Variants in COL4A2 observed in about 807,000 individuals in gnomAD.
COL4A2 encodes collagen type IV alpha 2 chain.
In COL4A2, 99 loss-of-function variants were observed where a neutral mutation model predicts 200.2. The ratio of observed to expected loss-of-function variants is 0.49; its 90% CI spans 0.42 to 0.58. The LOEUF is 0.58. Ranked by LOEUF, COL4A2 falls within the 20% of genes least tolerant of loss-of-function variation. The probability of loss-of-function intolerance (pLI) is 0.00; values close to 1 mark genes in which losing one functional copy is unlikely to be tolerated. For missense variants in COL4A2, 1,950 were observed against 2,314.1 expected (o/e 0.84, Z 3.23); for synonymous variants, 897 against 900.6 (o/e 1.00, Z 0.07).
rs529370990 is a variant in COL4A2, at chr13:110,459,241, C to T, written c.1596+307C>T. 1.4e-5 allele frequency: 4 copies of T among 287,452 alleles called. No homozygotes were observed. The South Asian group carries it at 2.9e-4, about 21-fold the overall frequency. The allele number at this position is 287,452 out of a possible 1,614,324, so 17.8% of individuals were successfully genotyped here. A position where few individuals can be genotyped will look rare whatever the true frequency, so the allele number is the denominator to read the frequency against. Reference sequence around the variant, plus strand: ...TGTATCCCCAAGAGACTTGAAAGCACGTGTCCACACAAACACACATACACC... The same window carrying T: ...TGTATCCCCAAGAGACTTGAAAGCATGTGTCCACACAAACACACATACACC... On this transcript the variant is annotated intron_variant, in intron 22 of 47. Coordinates refer to ENST00000360467, the MANE Select transcript of COL4A2 (RefSeq NM_001846.4).
chr13:110,410,250 CA>C (rs1879779219), intron 4 of COL4A2, among the ~76,000 whole-genome samples: 1 of 152,242 alleles, frequency 6.6e-6, no homozygotes, highest in African/African-American at 2.4e-5. Context: ...TGTCCCCTCG[CA>C]GGGCTTGCAG....
chr13:110,438,561 G>C (rs780330447), intron 14 of COL4A2, 57 bp from the exon 15 acceptor site: 1 of 1,608,032 alleles, frequency 6.2e-7, no homozygotes, highest in Admixed American at 1.7e-5. Context: ...CGTGGGCCCT[G>C]TTGGCTGGAG....
intron 13 of COL4A2, among the ~76,000 whole-genome samples, chr13:110,437,022 G>A (rs962970341): frequency 4.6e-5 from 7 of 152,208 alleles, no homozygotes; most frequent in Non-Finnish European, 7.3e-5. Context: ...GAAACACTCA[G>A]TACCATGTCG....
Position 110,468,191 on chromosome 13 carries a change from C to T in COL4A2, c.2096-1026C>T, listed in dbSNP as rs183705418. On this transcript the variant is annotated intron_variant, in intron 27 of 47. Coordinates refer to ENST00000360467, the MANE Select transcript of COL4A2 (RefSeq NM_001846.4). ...GGGGGTCTTCGGAGTGCACCGTGAT[C>T]ACAGGGCCTGGGGAGCACAGGACAA... 2.1e-4 allele frequency: 101 copies of T among 471,358 alleles called. 1 individual carries two copies. The Admixed American group carries it at 2.3e-3, about 11-fold the overall frequency. The allele number at this position is 471,358 out of a possible 1,614,324, so 29.2% of individuals were successfully genotyped here. A position where few individuals can be genotyped will look rare whatever the true frequency, so the allele number is the denominator to read the frequency against.
intron 3 of COL4A2, among the ~76,000 whole-genome samples, chr13:110,311,463 C>T (rs1235028846): frequency 2.6e-5 from 4 of 152,278 alleles, no homozygotes; most frequent in African/African-American, 4.8e-5. Context: ...GAGGGGCTGC[C>T]GCCTGGGGCG....
chr13:110,506,868 C>T (rs917040582), intron 46 of COL4A2, among the ~76,000 whole-genome samples: 1 of 152,158 alleles, frequency 6.6e-6, no homozygotes, highest in African/African-American at 2.4e-5. Context: ...CCATGTGACC[C>T]GTCTGACCCC....
In COL4A2 at chr13:110,432,341, C is replaced by A; in HGVS notation, c.665C>A (p.Pro222His). 1 of 1,610,772 alleles carries A rather than the reference C, an allele frequency of 6.2e-7. No homozygotes were observed. The highest frequency in any genetic ancestry group is 8.5e-7 in the Non-Finnish European group (1 of 1,178,744). The change falls in exon 11 of 48, where the codon CCT becomes CAT. Residue 222 changes from proline to histidine, a missense_variant. Transcript: ENST00000360467. ...APGRPGPPGP[P>H]GPKGQQGNRG... Reference sequence around the variant, plus strand: ...TTTGTACAGGGACCACCTGGACCCCCTGGACCAAAAGGACAGCAAGTAAGT... The same window carrying A: ...TTTGTACAGGGACCACCTGGACCCCATGGACCAAAAGGACAGCAAGTAAGT...
At chr13:110,326,209 G>A (rs1885407484) in intron 3 of COL4A2, among the ~76,000 whole-genome samples, 1 of 152,194 alleles carries the variant, frequency 6.6e-6, no homozygotes, top group South Asian at 2.1e-4. Flanking sequence ...CCTGGGAGGA[G>A]ATCTGAATTT....
At chr13:110,402,232 C>G (rs371134139) in intron 4 of COL4A2, among the ~76,000 whole-genome samples, 2 of 152,180 alleles carry the variant, frequency 1.3e-5, no homozygotes, top group Non-Finnish European at 2.9e-5. Context: ...GATCCTGAGG[C>G]ACATTTCTCT....
At position 110,508,706 on chromosome 13, in the gene COL4A2, A is replaced by C. The variant is rs1283821641; in HGVS notation, c.4881+485A>C. 6.6e-6 allele frequency among the ~76,000 whole-genome samples: 1 copy of C among 152,248 alleles called. No homozygotes were observed. Among genetic ancestry groups the C allele is most frequent in the African/African-American group, 2.4e-5 (1 of 41,450 alleles). ...ATTCTGGAATACCTTTGGGTATAAAATAGAGAGCCTGTGGATACTTTGAAA... is the reference window on the plus strand; with the variant it reads ...ATTCTGGAATACCTTTGGGTATAAACTAGAGAGCCTGTGGATACTTTGAAA... On this transcript the variant is annotated intron_variant, in intron 47 of 47. Coordinates refer to ENST00000360467, the MANE Select transcript of COL4A2 (RefSeq NM_001846.4). The surrounding 1 kb of genome is among the most constrained non-coding windows in gnomAD (Gnocchi z 6.1).
chr13:110,428,874 A>G (rs1270058884), intron 7 of COL4A2, among the ~76,000 whole-genome samples: 1 of 152,164 alleles, frequency 6.6e-6, no homozygotes, highest in Non-Finnish European at 1.5e-5. Flanking sequence ...AACGCAAATT[A>G]AAAAGCTGAA....
intron 4 of COL4A2, among the ~76,000 whole-genome samples, chr13:110,402,980 G>A (rs914887868): frequency 3.3e-5 from 5 of 152,304 alleles, no homozygotes; most frequent in South Asian, 2.1e-4. Flanking sequence ...TGGGGCAGCC[G>A]AGGAGCACTG....
At chr13:110,376,900 G>A (rs2139406785) in intron 4 of COL4A2, among the ~76,000 whole-genome samples, 1 of 152,320 alleles carries the variant, frequency 6.6e-6, no homozygotes, top group South Asian at 2.1e-4. Flanking sequence ...TAAGCAGATA[G>A]ATAATTCATT....
At chr13:110,431,946 A>G (rs1880696070) in intron 10 of COL4A2, among the ~76,000 whole-genome samples, 1 of 152,220 alleles carries the variant, frequency 6.6e-6, no homozygotes, top group South Asian at 2.1e-4. Context: ...AGCTACCAGG[A>G]AGAAGTCCTG....
At chr13:110,354,908 T>C (rs1374205118) in intron 3 of COL4A2, among the ~76,000 whole-genome samples, 2 of 152,192 alleles carry the variant, frequency 1.3e-5, no homozygotes, top group East Asian at 3.9e-4. Context: ...AGAGTGGGCC[T>C]GGCCATGCCA....
rs1196232305 is a variant in COL4A2, at chr13:110,491,264, A to G, written c.3378A>G (p.Thr1126=). The change falls in exon 37 of 48, where the codon ACA becomes ACG. Residue 1126 remains threonine (T), a synonymous_variant. Transcript: ENST00000360467. ...AGGGATTCTTTGGAGAGAAGGGAAC[A>G]GAAGGTGACATCGGCTTCCCTGGGA... ...GLKGFFGEKG[T]EGDIGFPGIT... is the part of the protein sequence containing the mutation. 14 of 1,601,490 alleles carry G rather than the reference A, an allele frequency of 8.7e-6. No homozygotes were observed. The highest frequency in any genetic ancestry group is 8.5e-6 in the Non-Finnish European group (10 of 1,173,338).
chr13:110,455,069 G>A (rs1196121059), intron 20 of COL4A2, among the ~76,000 whole-genome samples: 1 of 152,080 alleles, frequency 6.6e-6, no homozygotes, highest in Non-Finnish European at 1.5e-5. Flanking sequence ...TGCTGTGTGT[G>A]CCCTTGCTAT....
chr13:110,415,020 G>A (rs971597044), intron 4 of COL4A2, among the ~76,000 whole-genome samples: 15 of 152,194 alleles, frequency 9.9e-5, no homozygotes, highest in African/African-American at 3.6e-4. Context: ...AAAGGAGCCA[G>A]GCTCAAGACT....
chr13:110,356,570 C>T (rs1212144962), intron 3 of COL4A2, among the ~76,000 whole-genome samples: 1 of 152,160 alleles, frequency 6.6e-6, no homozygotes, highest in African/African-American at 2.4e-5. Flanking sequence ...CTCTGGGTTC[C>T]CCGCCAGCAT....
Sources: allele counts gnomAD v4.1 joint callset (sites outside exome capture counted in the v4.1 genomes callset), GRCh38; gene constraint gnomAD v4.1.1; non-coding constraint Gnocchi (gnomAD v3.1); transcripts MANE v1.5; gene names NCBI Gene and HGNC (gene_info 2026-07-23, HGNC 2026-07-21).